Variants in RALGAPA2 observed in about 807,000 individuals in gnomAD.
The protein encoded by RALGAPA2 is Ral GTPase activating protein catalytic subunit alpha 2, also known as ral GTPase-activating protein subunit alpha-2.
Under a neutral mutation model 230.4 loss-of-function variants are expected in RALGAPA2, and 139 were observed. The observed-to-expected ratio is 0.60, with a 90% CI of 0.53 to 0.69. RALGAPA2 has a LOEUF of 0.69. Ranked by LOEUF, RALGAPA2 falls within the 30% of genes least tolerant of loss-of-function variation. The pLI, the probability that RALGAPA2 is intolerant of heterozygous loss-of-function variation, is 0.00. For synonymous variants in RALGAPA2, 847 were observed against 837.8 expected (o/e 1.01, Z -0.19); for missense variants, 2,163 against 2,276.0 (o/e 0.95, Z 1.01).
intron 37 of RALGAPA2, among the ~76,000 whole-genome samples, chr20:20,453,861 G>C (rs2061046005): frequency 6.6e-6 from 1 of 152,162 alleles, no homozygotes; most frequent in African/African-American, 2.4e-5. Flanking sequence ...AAATGCTTTT[G>C]GACTTTTCAG....
chr20:20,547,051 T>G (rs1027350015), intron 23 of RALGAPA2, among the ~76,000 whole-genome samples: 2 of 152,176 alleles, frequency 1.3e-5, no homozygotes, highest in Non-Finnish European at 2.9e-5. Context: ...AGATGAATTA[T>G]CCAAAATCTA....
intron 27 of RALGAPA2, among the ~76,000 whole-genome samples, chr20:20,529,173 A>G (rs1364098770): frequency 6.6e-6 from 1 of 152,226 alleles, no homozygotes; most frequent in Non-Finnish European, 1.5e-5. Context: ...AATAATGGTT[A>G]AAGACAGAAC....
chr20:20,426,169 T>C (rs940365764), intron 37 of RALGAPA2, among the ~76,000 whole-genome samples: 7 of 152,236 alleles, frequency 4.6e-5, no homozygotes, highest in African/African-American at 1.7e-4. Context: ...GCAACTCTTT[T>C]ACTCCTTTTA....
At chr20:20,510,858 C>T (rs1467207017) in intron 33 of RALGAPA2, among the ~76,000 whole-genome samples, 1 of 152,164 alleles carries the variant, frequency 6.6e-6, no homozygotes, top group East Asian at 1.9e-4. Context: ...CGCCTTGATA[C>T]ACAACATGGA....
intron 34 of RALGAPA2, 117 bp downstream of exon 34, chr20:20,505,294 C>T (rs2062499154): frequency 2.4e-6 from 3 of 1,247,264 alleles, no homozygotes; most frequent in Non-Finnish European, 3.1e-6. Flanking sequence ...AATTCCAGAA[C>T]TCTATCTATG....
intron 37 of RALGAPA2, among the ~76,000 whole-genome samples, chr20:20,456,682 C>A (rs2061128456): frequency 6.6e-6 from 1 of 152,214 alleles, no homozygotes. Context: ...GCCTGGCCAG[C>A]CCCAAGCTGT....
intron 39 of RALGAPA2, among the ~76,000 whole-genome samples, chr20:20,393,940 C>T (rs2059651560): frequency 6.6e-6 from 1 of 152,168 alleles, no homozygotes; most frequent in Admixed American, 6.5e-5. Context: ...TCCCCTAGCA[C>T]CGTTCTGCGA....
At chr20:20,650,735 G>A (rs1254154545) in intron 4 of RALGAPA2, among the ~76,000 whole-genome samples, 4 of 152,160 alleles carry the variant, frequency 2.6e-5, no homozygotes, top group Non-Finnish European at 4.4e-5. Flanking sequence ...CCTTTCCTTT[G>A]ATACCTGGTA....
At chr20:20,585,872 G>GA (rs1469597314) in intron 18 of RALGAPA2, among the ~76,000 whole-genome samples, 4 of 150,758 alleles carry the variant, frequency 2.7e-5, no homozygotes, top group Middle Eastern at 6.8e-3. Context: ...AGAGTTAAAA[G>GA]AAAAAAAAGA....
chr20:20,601,393 AT>A (rs2065647747), intron 16 of RALGAPA2, among the ~76,000 whole-genome samples: 1 of 152,208 alleles, frequency 6.6e-6, no homozygotes, highest in African/African-American at 2.4e-5. Context: ...TTAACAATCT[AT>A]TTTCTTCAAG....
chr20:20,422,234 T>C (rs1193983518), intron 37 of RALGAPA2, among the ~76,000 whole-genome samples: 2 of 152,124 alleles, frequency 1.3e-5, no homozygotes, highest in African/African-American at 2.4e-5. Context: ...TCAGTGAATA[T>C]ACAAAAAACC....
chr20:20,683,883 T>C (rs548238406), intron 1 of RALGAPA2, among the ~76,000 whole-genome samples: 23 of 152,220 alleles, frequency 1.5e-4, no homozygotes, highest in Non-Finnish European at 2.2e-4. Context: ...ACTACGCCTC[T>C]ATAATCTATA....
Position 20,611,328 on chromosome 20 carries a change from C to A in RALGAPA2, c.1787G>T (p.Gly596Val). ...AAAAAGACTTACCCTAAATAGTAAC[C>A]CTGCCAAGCTCTGGGCAAACAAGTC... The part of the protein sequence containing the change: ...IKDLFAQSLA[G>V]LLFRTLMVAW... Residue 596 changes from glycine to valine, a missense_variant, in exon 14 of 40, where the codon GGG becomes GTG. By Grantham distance (109) the Gly-to-Val change is moderately radical. Transcript: ENST00000202677. 6.2e-7 allele frequency: 1 copy of A among 1,611,172 alleles called. No homozygotes were observed.
At chr20:20,457,256 T>C (rs1234133035) in intron 37 of RALGAPA2, among the ~76,000 whole-genome samples, 1 of 152,192 alleles carries the variant, frequency 6.6e-6, no homozygotes, top group African/African-American at 2.4e-5. Flanking sequence ...AGAGGTACCA[T>C]GGTTTACATG....
chr20:20,543,140 G>A (rs755025874), intron 24 of RALGAPA2, among the ~76,000 whole-genome samples: 1 of 152,052 alleles, frequency 6.6e-6, no homozygotes, highest in Non-Finnish European at 1.5e-5. Context: ...CGCCTCCCAG[G>A]TTCAAGCGAT....
Position 20,412,029 on chromosome 20 carries a change from G to A in RALGAPA2, c.5615C>T (p.Thr1872Met), listed in dbSNP as rs757489859. The change falls in exon 38 of 40, where the codon ACG becomes ATG. Residue 1872 changes from threonine to methionine, a missense_variant and splice_region_variant. By Grantham distance (81) the Thr-to-Met change is moderately conservative. Transcript: ENST00000202677. ...SPSPSYSLSG[T>M]D is the part of the protein sequence containing the mutation. The stretch of plus-strand genomic sequence containing the variant: ...AGAAGAATAATGTAGACACTCACCC[G>A]TTCCGCTGAGGGAGTAGCTGGGAGA... 2.3e-5 allele frequency: 37 copies of A among 1,613,806 alleles called. No individual in the cohort carries two copies. Among genetic ancestry groups the A allele is most frequent in the Non-Finnish European group, 2.7e-5 (32 of 1,179,830 alleles).
intron 4 of RALGAPA2, among the ~76,000 whole-genome samples, chr20:20,650,319 C>T (rs2067355248): frequency 6.6e-6 from 1 of 152,158 alleles, no homozygotes; most frequent in Admixed American, 6.5e-5. Context: ...TGATAAGAAA[C>T]AGACTTCAAG....
At chr20:20,518,072 C>T (rs1326729123) in intron 31 of RALGAPA2, among the ~76,000 whole-genome samples, 6 of 151,808 alleles carry the variant, frequency 4.0e-5, no homozygotes, top group Non-Finnish European at 8.8e-5. Context: ...TTTTTTTCCC[C>T]CCGAGATGGA....
At chr20:20,637,273 T>C in intron 8 of RALGAPA2, 90 bp downstream of exon 8, 1 of 1,095,172 alleles carries the variant, frequency 9.1e-7, no homozygotes, top group Non-Finnish European at 1.2e-6. Context: ...AAAATGACTA[T>C]TTTACTTTAA....
Sources: allele counts gnomAD v4.1 joint callset (sites outside exome capture counted in the v4.1 genomes callset), GRCh38; gene constraint gnomAD v4.1.1; transcripts MANE v1.5; gene names NCBI Gene and HGNC (gene_info 2026-07-23, HGNC 2026-07-21).